Variants in RANBP17 observed in about 807,000 individuals in gnomAD.
The protein encoded by RANBP17 is ran-binding protein 17.
In RANBP17, 158 loss-of-function variants were observed where a neutral mutation model predicts 141.2. The observed-to-expected ratio is 1.12, with a 90% CI of 0.98 to 1.28. The LOEUF is 1.28. RANBP17 is among the 50% of genes most tolerant of loss of function. RANBP17 has a pLI of 0.00. For missense variants in RANBP17, 1,438 were observed against 1,290.7 expected (o/e 1.11, Z -1.75); for synonymous variants, 430 against 450.0 (o/e 0.96, Z 0.56).
chr5:171,157,108 A>G (rs1388303855), intron 14 of RANBP17, among the ~76,000 whole-genome samples: 1 of 152,202 alleles, frequency 6.6e-6, no homozygotes, highest in Non-Finnish European at 1.5e-5. Context: ...TCTGTCAGTA[A>G]TTAATAGTTT....
intron 14 of RANBP17, among the ~76,000 whole-genome samples, chr5:171,158,145 G>A (rs1419092043): frequency 6.6e-6 from 1 of 152,202 alleles, no homozygotes; most frequent in Admixed American, 6.5e-5. Flanking sequence ...TGCTTTATCT[G>A]CTGCCTTGGG....
intron 14 of RANBP17, among the ~76,000 whole-genome samples, chr5:171,105,377 G>A (rs1262890670): frequency 7.4e-5 from 5 of 67,918 alleles, no homozygotes; most frequent in Non-Finnish European, 7.5e-5. Context: ...GCGAGACTCC[G>A]TCTCAAAAAA....
At chr5:171,286,820 A>G (rs902366600) in intron 25 of RANBP17, among the ~76,000 whole-genome samples, 3 of 152,334 alleles carry the variant, frequency 2.0e-5, no homozygotes, top group African/African-American at 7.2e-5. Flanking sequence ...TAGCACTCAG[A>G]TTTTGCCTAA....
At chr5:171,252,481 AC>A in intron 24 of RANBP17, 1 of 1,456,838 alleles carries the variant, frequency 6.9e-7, no homozygotes, top group Non-Finnish European at 9.6e-7. Context: ...CAACACAGAA[AC>A]CCTATGCAGT....
intron 24 of RANBP17, chr5:171,251,826 G>T: frequency 1.6e-6 from 2 of 1,259,094 alleles, no homozygotes; most frequent in Non-Finnish European, 2.3e-6. Flanking sequence ...AAATCCTAAT[G>T]ACAGTCTCCA....
chr5:170,972,213 C>T (rs1319214383), intron 14 of RANBP17, among the ~76,000 whole-genome samples: 2 of 127,022 alleles, frequency 1.6e-5, no homozygotes, highest in Non-Finnish European at 3.1e-5. Flanking sequence ...TGGAGTTTCG[C>T]TCTTGCTGTC....
chr5:170,898,164 A>G (rs1334982302), intron 5 of RANBP17, among the ~76,000 whole-genome samples: 2 of 152,174 alleles, frequency 1.3e-5, no homozygotes, highest in Non-Finnish European at 2.9e-5. Flanking sequence ...AGGTGCATAT[A>G]TATTTAGGAT....
chr5:170,938,204 T>G (rs1458724206), intron 12 of RANBP17, among the ~76,000 whole-genome samples: 1 of 152,196 alleles, frequency 6.6e-6, no homozygotes, highest in Non-Finnish European at 1.5e-5. Context: ...TGACAAAGCC[T>G]TAGGCCGGTA....
chr5:171,111,092 G>A (rs1162794326), intron 14 of RANBP17, among the ~76,000 whole-genome samples: 1 of 151,634 alleles, frequency 6.6e-6, no homozygotes, highest in Non-Finnish European at 1.5e-5. Flanking sequence ...GGTACAGGGA[G>A]AGTTTCTTTC....
chr5:171,107,235 CATTTT>C (rs1157917968), intron 14 of RANBP17, among the ~76,000 whole-genome samples: 2 of 152,188 alleles, frequency 1.3e-5, no homozygotes, highest in African/African-American at 4.8e-5. Flanking sequence ...TTCTAGTACT[CATTTT>C]ATTACACTGC....
intron 14 of RANBP17, among the ~76,000 whole-genome samples, chr5:170,978,078 T>C (rs79848526): frequency 0.017 from 2,582 of 152,200 alleles, 68 homozygotes; most frequent in African/African-American, 0.059. Context: ...AAAAGGTATC[T>C]AAATGGCCAA....
chr5:171,145,172 T>G (rs1418614998), intron 14 of RANBP17, among the ~76,000 whole-genome samples: 1 of 152,186 alleles, frequency 6.6e-6, no homozygotes, highest in Non-Finnish European at 1.5e-5. Context: ...TTAAATTACT[T>G]TAGTAAGTAA....
chr5:171,084,106 C>T (rs1390064624), intron 14 of RANBP17, among the ~76,000 whole-genome samples: 1 of 113,802 alleles, frequency 8.8e-6, no homozygotes, highest in Non-Finnish European at 1.8e-5. Flanking sequence ...TGCTATCCCT[C>T]CCCCCTCCCC....
chr5:171,013,847 T>C (rs576729189), intron 14 of RANBP17, among the ~76,000 whole-genome samples: 1 of 152,282 alleles, frequency 6.6e-6, no homozygotes, highest in East Asian at 1.9e-4. Flanking sequence ...CAGATCAATT[T>C]GTCTTAAAAT....
intron 14 of RANBP17, among the ~76,000 whole-genome samples, chr5:171,093,390 A>G (rs1786455524): frequency 6.6e-6 from 1 of 152,164 alleles, no homozygotes; most frequent in Non-Finnish European, 1.5e-5. Context: ...TACTAAGTTG[A>G]TGATTATAAG....
Position 170,878,236 on chromosome 5 carries a change from A to G in RANBP17, c.158A>G (p.Gln53Arg). 3 of 1,604,934 alleles carry G rather than the reference A, an allele frequency of 1.9e-6. No individual in the cohort carries two copies. The South Asian group carries it at 3.4e-5, about 18-fold the overall frequency. ...CLSKCQLLLEQGTTSYAQLLA... is the reference protein window; with the variant it reads ...CLSKCQLLLERGTTSYAQLLA... ...AGCAAGTGTCAACTTTTATTAGAAC[A>G]AGGAACAGTAAGTATTTGGTAACAA... Residue 53 changes from glutamine to arginine, a missense_variant, in exon 2 of 28, where the codon CAA becomes CGA. Transcript: ENST00000523189.
rs367978664 is a variant in RANBP17, at chr5:171,199,675, G to A, written c.2044G>A (p.Asp682Asn). The A allele has an allele frequency of 7.5e-6, 12 of 1,603,430 alleles. No individual in the cohort carries two copies. The East Asian group carries it at 1.3e-4, about 18-fold the overall frequency. The change falls in exon 19 of 28, where the codon GAT (aspartate) becomes AAT (asparagine). Residue 682 changes from aspartate (D) to asparagine (N), a missense_variant. Coordinates refer to ENST00000523189, the MANE Select transcript of RANBP17 (RefSeq NM_022897.5). Reference sequence around the variant, plus strand: ...CCCTTTTGTTTCTCTGATAGGTGAAGATGAGGATGAATTTGAGAATTTCAT... The same window carrying A: ...CCCTTTTGTTTCTCTGATAGGTGAAAATGAGGATGAATTTGAGAATTTCAT... ...TRLLMVDLGEDEDEFENFMLP... is the reference protein window; with the variant it reads ...TRLLMVDLGENEDEFENFMLP...
chr5:170,864,443 A>G (rs920624216), intron 1 of RANBP17, among the ~76,000 whole-genome samples: 2 of 152,130 alleles, frequency 1.3e-5, no homozygotes, highest in Non-Finnish European at 2.9e-5. Flanking sequence ...CTCTGCTCCT[A>G]ATGCTTGGAG....
chr5:171,077,179 A>C (rs1252964172), intron 14 of RANBP17, among the ~76,000 whole-genome samples: 1 of 152,048 alleles, frequency 6.6e-6, no homozygotes, highest in African/African-American at 2.4e-5. Context: ...CTCTACTAAA[A>C]CTACAAAAAA....
Sources: gnomAD v4.1 joint callset for allele counts (sites outside exome capture counted in the v4.1 genomes callset) on GRCh38, gnomAD v4.1.1 for gene constraint, MANE v1.5 for transcripts, NCBI Gene and HGNC (gene_info 2026-07-23, HGNC 2026-07-21) for gene names.